Variants in SPAG6 observed in about 807,000 individuals in gnomAD.
The protein encoded by SPAG6 is sperm associated antigen 6.
Under a neutral mutation model 58.5 loss-of-function variants are expected in SPAG6, and 49 were observed. That is an observed-to-expected ratio of 0.84 (90% CI 0.67 to 1.06). SPAG6 has a LOEUF of 1.06. Among genes scored for constraint, SPAG6 ranks in the 50% least tolerant of loss-of-function variants. SPAG6 has a pLI of 0.00. For missense variants in SPAG6, 560 were observed against 611.3 expected (o/e 0.92, Z 0.89); for synonymous variants, 233 against 225.6 (o/e 1.03, Z -0.29).
At chr10:22,389,902 C>T (rs1039304997) in intron 7 of SPAG6, among the ~76,000 whole-genome samples, 13 of 152,128 alleles carry the variant, frequency 8.5e-5, no homozygotes, top group African/African-American at 3.1e-4. Context: ...TCTAGTGCAG[C>T]CCTGGCACAT....
chr10:22,393,528 A>G (rs1172759637), intron 8 of SPAG6, among the ~76,000 whole-genome samples: 1 of 152,216 alleles, frequency 6.6e-6, no homozygotes, highest in African/African-American at 2.4e-5. Context: ...TTTTGAAGTA[A>G]GATAAATTTC....
intron 2 of SPAG6, among the ~76,000 whole-genome samples, chr10:22,346,431 T>TTCTTCTTCTTCC (rs1182186547): frequency 1.4e-4 from 2 of 13,898 alleles, no homozygotes; most frequent in African/African-American, 2.5e-4. Flanking sequence ...GAGAAAATGG[T>TTCTTCTTCTTCC]TCTTCTTCTT....
intron 2 of SPAG6, among the ~76,000 whole-genome samples, chr10:22,356,057 T>G (rs3952313): frequency 0.85 from 128,937 of 152,236 alleles, 55,113 homozygotes; most frequent in African/African-American, 0.96. Context: ...GGTTGTAGTA[T>G]TAAAATCAAA....
chr10:22,378,998 A>C (rs1833888002), intron 4 of SPAG6, among the ~76,000 whole-genome samples: 1 of 152,204 alleles, frequency 6.6e-6, no homozygotes, highest in Non-Finnish European at 1.5e-5. Context: ...TTAAGCTCTC[A>C]AACACTCAAC....
chr10:22,397,519 T>C (rs1348419190), intron 8 of SPAG6, among the ~76,000 whole-genome samples: 1 of 152,178 alleles, frequency 6.6e-6, no homozygotes, highest in Non-Finnish European at 1.5e-5. Context: ...TTTTGCCATG[T>C]TGGCCAGGCT....
rs567415282 is a variant in SPAG6 at position 22,368,572 on chromosome 10, C to T, written c.366C>T (p.Val122=). The change falls in exon 4 of 11, where the codon GTC becomes GTT. Residue 122 remains valine, a synonymous_variant. Transcript: ENST00000376624. ...CTCCCCAGCTAGCTCAGGCAATAGT[C>T]GATTGTGGAGCACTGGATACGCTGG... The part of the protein sequence containing the change: ...KHSPQLAQAI[V]DCGALDTLVI... 9.9e-6 allele frequency: 16 copies of T among 1,613,784 alleles called. No homozygotes were observed. Among genetic ancestry groups the T allele is most frequent in the Admixed American group, 3.3e-5 (2 of 60,000 alleles).
chr10:22,405,902 T>C (rs1588560902), intron 9 of SPAG6, among the ~76,000 whole-genome samples: 1 of 152,368 alleles, frequency 6.6e-6, no homozygotes, highest in Middle Eastern at 3.4e-3. Context: ...CCATTTCTTC[T>C]AGATTTTCTA....
chr10:22,396,898 C>T lies in SPAG6; in HGVS notation c.1198-4263C>T, dbSNP rs146260011. Among the ~76,000 whole-genome samples the T allele has an allele frequency of 3.4e-3, 518 of 152,180 alleles. 2 individuals carry two copies. Among genetic ancestry groups the T allele is most frequent in the Admixed American group, 6.0e-3 (92 of 15,288 alleles). On this transcript the variant is annotated intron_variant, in intron 8 of 10. Coordinates refer to ENST00000376624, the MANE Select transcript of SPAG6 (RefSeq NM_012443.4). ...TAGCCCAGGATTCCTTCTCTGACATCGTCATATATTGTATCTAAGGATAAA... is the reference window on the plus strand; with the variant it reads ...TAGCCCAGGATTCCTTCTCTGACATTGTCATATATTGTATCTAAGGATAAA...
intron 8 of SPAG6, among the ~76,000 whole-genome samples, chr10:22,394,327 A>T (rs1834245432): frequency 6.6e-6 from 1 of 152,198 alleles, no homozygotes; most frequent in African/African-American, 2.4e-5. Context: ...TAGAGGCATC[A>T]TATTGAAATG....
At chr10:22,392,820 T>C (rs1187160789) in intron 8 of SPAG6, among the ~76,000 whole-genome samples, 1 of 152,180 alleles carries the variant, frequency 6.6e-6, no homozygotes, top group East Asian at 1.9e-4. Context: ...TAGTGAATTA[T>C]CTATTTGACT....
intron 6 of SPAG6, among the ~76,000 whole-genome samples, chr10:22,388,853 A>G (rs1279478064): frequency 6.6e-6 from 1 of 152,134 alleles, no homozygotes; most frequent in East Asian, 1.9e-4. Context: ...TTCAGTAGTT[A>G]GTTATGAACC....
intron 8 of SPAG6, among the ~76,000 whole-genome samples, chr10:22,392,543 AT>A (rs1288872870): frequency 6.6e-6 from 1 of 152,120 alleles, no homozygotes; most frequent in African/African-American, 2.4e-5. Context: ...TGATTTTATA[AT>A]TTAAAAAAAA....
At chr10:22,415,470 C>A (rs991902875) in intron 10 of SPAG6, among the ~76,000 whole-genome samples, 16 of 151,968 alleles carry the variant, frequency 1.1e-4, no homozygotes, top group Non-Finnish European at 2.9e-5. Flanking sequence ...TTCGAAGAAA[C>A]CCACTGTTGA....
At chr10:22,414,963 G>A (rs763570771) in intron 10 of SPAG6, among the ~76,000 whole-genome samples, 28 of 151,968 alleles carry the variant, frequency 1.8e-4, no homozygotes, top group Non-Finnish European at 3.7e-4. Context: ...ACGAGGTTTC[G>A]CCATGTTGGT....
At chr10:22,407,368 A>G (rs1158353712) in intron 9 of SPAG6, among the ~76,000 whole-genome samples, 6 of 151,358 alleles carry the variant, frequency 4.0e-5, no homozygotes, top group African/African-American at 7.3e-5. Flanking sequence ...GCTTGTCTGT[A>G]AAGTATTTTA....
At chr10:22,359,745 G>T (rs1023977701) in intron 2 of SPAG6, among the ~76,000 whole-genome samples, 1 of 152,116 alleles carries the variant, frequency 6.6e-6, no homozygotes. Flanking sequence ...GGTAACCAAG[G>T]CAACAAGATA....
intron 2 of SPAG6, among the ~76,000 whole-genome samples, chr10:22,350,815 T>C (rs955240057): frequency 3.3e-5 from 5 of 150,690 alleles, no homozygotes; most frequent in African/African-American, 1.3e-4. Flanking sequence ...TATGCATAAA[T>C]TCCATGCATA....
intron 4 of SPAG6, among the ~76,000 whole-genome samples, chr10:22,370,129 A>C (rs1833649489): frequency 6.6e-6 from 1 of 152,230 alleles, no homozygotes; most frequent in Non-Finnish European, 1.5e-5. Context: ...AAGATATAAA[A>C]TTGTATATTA....
chr10:22,352,395 TGAG>T (rs1017815781), intron 2 of SPAG6, among the ~76,000 whole-genome samples: 17 of 152,270 alleles, frequency 1.1e-4, no homozygotes, highest in African/African-American at 4.1e-4. Flanking sequence ...TAAAAAAAAT[TGAG>T]GGATTACTTA....
Sources: gnomAD v4.1 joint callset for allele counts (sites outside exome capture counted in the v4.1 genomes callset) on GRCh38, gnomAD v4.1.1 for gene constraint, MANE v1.5 for transcripts, NCBI Gene and HGNC (gene_info 2026-07-23, HGNC 2026-07-21) for gene names.